ADH4: variants seen among roughly 807,000 people sequenced by gnomAD.
The protein encoded by ADH4 is alcohol dehydrogenase 4 (class II), pi polypeptide.
A neutral mutation model predicts 35.2 loss-of-function variants in ADH4; 31 were observed. The ratio of observed to expected loss-of-function variants is 0.88; its 90% CI spans 0.66 to 1.19. The LOEUF (loss-of-function observed/expected upper bound fraction) is 1.19, where lower values mean the gene tolerates loss of function less well. Among genes scored for constraint, ADH4 ranks in the 50% most tolerant of loss-of-function variants. The pLI is 0.00. For missense variants in ADH4, 476 were observed against 458.3 expected (o/e 1.04, Z -0.35); for synonymous variants, 171 against 160.2 (o/e 1.07, Z -0.51).
chr4:99,137,361 C>T lies in ADH4; in HGVS notation c.351-664G>A, dbSNP rs747207264. Reference sequence around the variant, plus strand: ...CAGGCTGGTCTCGAACTCCTGACTTCGCTATCCACCCGCCTCAGCCTCCCA... The same window carrying T: ...CAGGCTGGTCTCGAACTCCTGACTTTGCTATCCACCCGCCTCAGCCTCCCA... On this transcript the variant is annotated intron_variant, in intron 4 of 8. Coordinates refer to ENST00000265512, the MANE Select transcript of ADH4 (RefSeq NM_000670.5). Among the ~76,000 whole-genome samples, 33 of 151,778 alleles carry T rather than the reference C, an allele frequency of 2.2e-4. 1 individual carries two copies. The highest frequency in any genetic ancestry group is 3.9e-4 in the East Asian group (2 of 5,100).
chr4:99,131,078 G>T (rs1384548783), intron 6 of ADH4, among the ~76,000 whole-genome samples: 2 of 151,974 alleles, frequency 1.3e-5, no homozygotes, highest in African/African-American at 2.4e-5. Context: ...TGATTTAATA[G>T]TCAAAAGGAA....
intron 6 of ADH4, among the ~76,000 whole-genome samples, chr4:99,128,773 A>C (rs1729176017): frequency 6.6e-6 from 1 of 151,118 alleles, no homozygotes; most frequent in South Asian, 2.1e-4. Flanking sequence ...ACTAGGAATA[A>C]GAATTCTAAT....
rs202167714 is a variant in ADH4, at chr4:99,142,750, C to T, written c.49G>A (p.Glu17Lys). 62 of 1,604,184 alleles carry T rather than the reference C, an allele frequency of 3.9e-5. No individual in the cohort carries two copies. The highest frequency in any genetic ancestry group is 3.1e-5 in the Non-Finnish European group (36 of 1,176,338). Reference sequence around the variant, plus strand: ...TCAATGCAAAGGGGCTTGCCTGCTTCCCAGGCGATGGCTGCTTTGCATTTA... The same window carrying T: ...TCAATGCAAAGGGGCTTGCCTGCTTTCCAGGCGATGGCTGCTTTGCATTTA... ...VIKCKAAIAW[E>K]AGKPLCIEEV... Residue 17 changes from glutamate (E) to lysine (K), a missense_variant, in exon 2 of 9, where the codon GAA becomes AAA. Transcript: ENST00000265512.
In ADH4 at chr4:99,126,714, G is replaced by T. The variant is rs1184510490; in HGVS notation, c.998C>A (p.Ser333Tyr). Reference sequence around the variant, plus strand: ...ATAGTCAGTGACCAGCTTTGGGATAGAATCTACACTTTTCCAACCTGTAAT... The same window carrying T: ...ATAGTCAGTGACCAGCTTTGGGATATAATCTACACTTTTCCAACCTGTAAT... ...TFFGGWKSVD[S>Y]IPKLVTDYKN... The change falls in exon 8 of 9, where the codon TCT becomes TAT. Residue 333 changes from serine to tyrosine, a missense_variant. Coordinates refer to ENST00000265512, the MANE Select transcript of ADH4 (RefSeq NM_000670.5). The T allele has an allele frequency of 2.1e-5, 33 of 1,603,780 alleles. No individual in the cohort carries two copies. The Admixed American group carries it at 5.2e-4, about 25-fold the overall frequency.
At chr4:99,132,271 A>G (rs1461858740) in intron 5 of ADH4, among the ~76,000 whole-genome samples, 1 of 152,180 alleles carries the variant, frequency 6.6e-6, no homozygotes, top group East Asian at 1.9e-4. Flanking sequence ...CTTCATCCCC[A>G]TGATATTCCC....
chr4:99,143,359 T>C, intron 1 of ADH4: 2 of 566,682 alleles, frequency 3.5e-6, no homozygotes, highest in South Asian at 4.8e-5. Flanking sequence ...GAAATGAGGC[T>C]TACATCATTA....
At chr4:99,143,466 C>T (rs1218849085) in intron 1 of ADH4, 6 of 336,350 alleles carry the variant, frequency 1.8e-5, no homozygotes, top group Non-Finnish European at 2.7e-5. Context: ...ATTTAGGATT[C>T]TATAACCCCA....
intron 3 of ADH4, among the ~76,000 whole-genome samples, chr4:99,139,767 C>T (rs1729554507): frequency 6.6e-6 from 1 of 152,072 alleles, no homozygotes; most frequent in Non-Finnish European, 1.5e-5. Flanking sequence ...TTTTTATTCA[C>T]ACTATAGAAA....
chr4:99,138,325 C>T (rs1729509000), intron 4 of ADH4, among the ~76,000 whole-genome samples: 1 of 152,082 alleles, frequency 6.6e-6, no homozygotes, highest in South Asian at 2.1e-4. Flanking sequence ...AAAATTGAGG[C>T]ACAGTAATAG....
chr4:99,129,357 G>T (rs1729203314), intron 6 of ADH4, among the ~76,000 whole-genome samples: 1 of 152,002 alleles, frequency 6.6e-6, no homozygotes, highest in Non-Finnish European at 1.5e-5. Flanking sequence ...GCATGTCATA[G>T]ATCATCTGTG....
At chr4:99,130,533 G>A (rs1174340075) in intron 6 of ADH4, among the ~76,000 whole-genome samples, 1 of 152,150 alleles carries the variant, frequency 6.6e-6, no homozygotes, top group East Asian at 1.9e-4. Flanking sequence ...CTTTTGGTGG[G>A]AGAGTAGGTA....
At chr4:99,138,487 T>A (rs567341937) in intron 4 of ADH4, among the ~76,000 whole-genome samples, 1 of 152,318 alleles carries the variant, frequency 6.6e-6, no homozygotes, top group South Asian at 2.1e-4. Flanking sequence ...AACCTGGCTC[T>A]AAGACTTATA....
At chr4:99,141,718 C>A in intron 2 of ADH4, 36 bp from the exon 3 acceptor site, 1 of 1,596,230 alleles carries the variant, frequency 6.3e-7, no homozygotes, top group Non-Finnish European at 8.6e-7. Flanking sequence ...TGTGTTTCTG[C>A]AACTATATTA....
intron 3 of ADH4, among the ~76,000 whole-genome samples, chr4:99,139,465 C>T (rs1729544574): frequency 6.6e-6 from 1 of 152,118 alleles, no homozygotes; most frequent in South Asian, 2.1e-4. Flanking sequence ...TTTCCAAACA[C>T]CATGTACGAA....
intron 8 of ADH4, among the ~76,000 whole-genome samples, chr4:99,125,758 G>T (rs187433258): frequency 2.0e-5 from 3 of 152,172 alleles, no homozygotes; most frequent in Non-Finnish European, 4.4e-5. Context: ...AAGTAGTCTG[G>T]GTCCTCACAC....
intron 8 of ADH4, among the ~76,000 whole-genome samples, chr4:99,126,015 A>C (rs898051261): frequency 6.6e-6 from 1 of 152,172 alleles, no homozygotes; most frequent in African/African-American, 2.4e-5. Context: ...CCAACCCCTA[A>C]GAATCTTCCA....
At chr4:99,135,412 G>C (rs1283898959) in intron 5 of ADH4, among the ~76,000 whole-genome samples, 2 of 152,172 alleles carry the variant, frequency 1.3e-5, no homozygotes, top group Non-Finnish European at 2.9e-5. Flanking sequence ...ATGGGCAACA[G>C]AGTGAGACCC....
chr4:99,131,418 C>T, intron 6 of ADH4, 86 bp downstream of exon 6: 1 of 1,432,086 alleles, frequency 7.0e-7, no homozygotes, highest in Non-Finnish European at 9.5e-7. Context: ...GTACTAAGTA[C>T]CATAATAAAC....
chr4:99,124,719 G>T (rs1368609589), intron 8 of ADH4, among the ~76,000 whole-genome samples: 1 of 152,166 alleles, frequency 6.6e-6, no homozygotes, highest in Admixed American at 6.5e-5. Flanking sequence ...TTACTCAGTG[G>T]TGCTGTTGAG....
Sources: allele counts gnomAD v4.1 joint callset (sites outside exome capture counted in the v4.1 genomes callset), GRCh38; gene constraint gnomAD v4.1.1; transcripts MANE v1.5; gene names NCBI Gene and HGNC (gene_info 2026-07-23, HGNC 2026-07-21).